TEAD3: variants seen among roughly 807,000 people sequenced by gnomAD.
The protein encoded by TEAD3 is transcriptional enhancer factor TEF-5.
A neutral mutation model predicts 55.6 loss-of-function variants in TEAD3; 15 were observed. That is an observed-to-expected ratio of 0.27 (90% confidence interval 0.18 to 0.42). TEAD3 has a LOEUF of 0.42. TEAD3 is among the 10% of genes least tolerant of loss of function. The probability of loss-of-function intolerance (pLI) is 1.00; values close to 1 mark genes in which losing one functional copy is unlikely to be tolerated. For missense variants in TEAD3, 407 were observed against 576.8 expected, an observed-to-expected ratio of 0.71 and a Z score of 3.01; for synonymous variants, 210 against 232.2, an observed-to-expected ratio of 0.90 and a Z score of 0.87.
Position 35,484,817 on chromosome 6 carries a change from C to T in TEAD3, c.203-193G>A, listed in dbSNP as rs1349699699. ...GGGGAGTCACAGCTGCATCCTACCA[C>T]CTCCAGGACCTAGAGGGGCTGCTCT... On this transcript the variant is annotated intron_variant, in intron 2 of 12. Transcript: ENST00000639578. This position sits in a 1 kb window ranked among gnomAD's most constrained non-coding sequence, Gnocchi z 5.8. Among the ~76,000 whole-genome samples, 1 of 152,184 alleles carries T rather than the reference C, an allele frequency of 6.6e-6. No homozygotes were observed. Among genetic ancestry groups the T allele is most frequent in the Non-Finnish European group, 1.5e-5 (1 of 68,022 alleles).
Position 35,486,758 on chromosome 6 carries a change from ACAG to A in TEAD3, c.-49-50_-49-48del. 3 of 1,361,402 alleles carry A rather than the reference ACAG, an allele frequency of 2.2e-6. No homozygotes were observed. The highest frequency in any genetic ancestry group is 2.0e-6 in the Non-Finnish European group (2 of 987,412). 84.3% of individuals were successfully genotyped at this position (1,361,402 alleles called of 1,614,324 possible). A position where few individuals can be genotyped will look rare whatever the true frequency, so the allele number is the denominator to read the frequency against. On this transcript the variant is annotated intron_variant, in intron 1 of 12. Transcript: ENST00000639578. The surrounding 1 kb of genome is among the most constrained non-coding windows in gnomAD (Gnocchi z 7.3). ...ACTGGGACCAGGGTCCTCCTCGACC[ACAG>A]CAATCTCCTATCCCACAGCCGCTGG... is the stretch of plus-strand genomic sequence containing the variant.
rs1294635584 is a variant in TEAD3, at chr6:35,484,418, G to C, written c.267+142C>G. 1.3e-6 allele frequency: 1 copy of C among 741,300 alleles called. No homozygotes were observed. Among genetic ancestry groups the C allele is most frequent in the African/African-American group, 1.7e-5 (1 of 57,442 alleles). 45.9% of individuals were successfully genotyped at this position (741,300 alleles called of 1,614,324 possible). On this transcript the variant is annotated intron_variant, in intron 3 of 12. Coordinates refer to ENST00000639578, the Ensembl canonical transcript of TEAD3. This position sits in a 1 kb window ranked among gnomAD's most constrained non-coding sequence, Gnocchi z 5.8. ...GGAGGGTGTAAAATCGAGGGGGTAA[G>C]GGGAGTGTGATGAGGCAAGGAGGGT...
rs1768361310 is a variant in TEAD3 at position 35,485,726 on chromosome 6, G to A, written c.202+735C>T. 6.6e-6 allele frequency among the ~76,000 whole-genome samples: 1 copy of A among 152,196 alleles called. No homozygotes were observed. The highest frequency in any genetic ancestry group is 2.1e-4 in the South Asian group (1 of 4,836). On this transcript the variant is annotated intron_variant, in intron 2 of 12. Transcript: ENST00000639578. The surrounding 1 kb of genome is among the most constrained non-coding windows in gnomAD (Gnocchi z 4.3). ...CAAGGTGGGGCTCTGGGGCTGGGTG[G>A]GCGTGGCCAAGGGACACGGAGCGGA... is the stretch of plus-strand genomic sequence containing the variant.
At chr6:35,494,366 G>GA (rs539140874) in intron 1 of TEAD3, among the ~76,000 whole-genome samples, 99 of 152,346 alleles carry the variant, frequency 6.5e-4, no homozygotes, top group Non-Finnish European at 1.2e-3. Flanking sequence ...GTGGGTCGGG[G>GA]AAGACAGGCA....
intron 4 of TEAD3, among the ~76,000 whole-genome samples, chr6:35,479,709 G>A (rs528852934): frequency 6.6e-6 from 1 of 152,360 alleles, no homozygotes; most frequent in East Asian, 1.9e-4. Flanking sequence ...CTGCAGGACA[G>A]CCAGCTCTGC....
At position 35,487,344 on chromosome 6, in the gene TEAD3, G is replaced by A. The variant is rs568915226; in HGVS notation, c.-49-633C>T. Among the ~76,000 whole-genome samples, 5 of 152,232 alleles carry A rather than the reference G, an allele frequency of 3.3e-5. No individual in the cohort carries two copies. In the South Asian group the frequency reaches 6.2e-4, roughly 19 times the overall value. ...CGAGGTGGTTGGATCATGAGGTCAG[G>A]TGTTTGAGACCAGACTGACCAACAT... On this transcript the variant is annotated intron_variant, in intron 1 of 12. Transcript: ENST00000639578.
At chr6:35,474,537 A>G (rs1768101991), downstream of TEAD3, 1 of 156,174 alleles carries the variant, frequency 6.4e-6, no homozygotes, top group South Asian at 2.0e-4. Context: ...AGGACCACAC[A>G]AGCCATGCAA....
At chr6:35,473,629 A>ATAATTT (rs761537320), downstream of TEAD3, 1 of 123,778 alleles carries the variant, frequency 8.1e-6, no homozygotes, top group East Asian at 2.3e-4. Context: ...AATAACTTTA[A>ATAATTT]TTTTTTTTTT....
chr6:35,495,139 AG>A (rs1768613212), intron 1 of TEAD3, among the ~76,000 whole-genome samples: 1 of 152,254 alleles, frequency 6.6e-6, no homozygotes, highest in Non-Finnish European at 1.5e-5. Context: ...AACTGGTTAA[AG>A]GTCCGGAGGG....
In TEAD3 at chr6:35,486,753, C is replaced by A. The variant is rs1284706707; in HGVS notation, c.-49-42G>T. The A allele has an allele frequency of 7.1e-7, 1 of 1,400,500 alleles. No homozygotes were observed. Among genetic ancestry groups the A allele is most frequent in the East Asian group, 2.3e-5 (1 of 42,752 alleles). The allele number at this position is 1,400,500 out of a possible 1,614,324, so 86.8% of individuals were successfully genotyped here. On this transcript the variant is annotated intron_variant, in intron 1 of 12. Transcript: ENST00000639578. The surrounding 1 kb of genome is among the most constrained non-coding windows in gnomAD (Gnocchi z 7.3). ...CAGGAACTGGGACCAGGGTCCTCCTCGACCACAGCAATCTCCTATCCCACA... is the reference window on the plus strand; with the variant it reads ...CAGGAACTGGGACCAGGGTCCTCCTAGACCACAGCAATCTCCTATCCCACA...
At position 35,475,669 on chromosome 6, in the gene TEAD3, G is replaced by T; in HGVS notation, c.938C>A (p.Ala313Asp). 6.2e-7 allele frequency: 1 copy of T among 1,612,408 alleles called. No homozygotes were observed. Among genetic ancestry groups the T allele is most frequent in the Non-Finnish European group, 8.5e-7 (1 of 1,178,882 alleles). ...GTACTGAGAGCTGACCCCATAGAAG[G>T]CTCCCGGGCCCTCCTGGATGGTGCT... is the stretch of plus-strand genomic sequence containing the variant. The change falls in exon 11 of 13, where the codon GCC becomes GAC. Residue 313 changes from alanine (A) to aspartate (D), a missense_variant. Transcript: ENST00000639578. This position sits in a 1 kb window ranked among gnomAD's most constrained non-coding sequence, Gnocchi z 5.4.
chr6:35,495,526 C>A (rs1768624644), intron 1 of TEAD3, among the ~76,000 whole-genome samples: 1 of 152,162 alleles, frequency 6.6e-6, no homozygotes, highest in Non-Finnish European at 1.5e-5. Flanking sequence ...TACTGGACAG[C>A]CTTGTCCTGG....
At chr6:35,487,389 T>TA (rs1236917021) in intron 1 of TEAD3, among the ~76,000 whole-genome samples, 2 of 151,902 alleles carry the variant, frequency 1.3e-5, no homozygotes, top group Non-Finnish European at 2.9e-5. Context: ...CCATCTCTAC[T>TA]AAAAATACAA....
chr6:35,496,082 C>T lies in TEAD3; in HGVS notation c.-50+816G>A, dbSNP rs1298527767. ...ACAGATCCAGACCAGCGCTCCCAGC[C>T]CTCCCTCCCCTAGCAGGAATAAAGG... On this transcript the variant is annotated intron_variant, in intron 1 of 12. Coordinates refer to ENST00000639578, the Ensembl canonical transcript of TEAD3. The surrounding 1 kb of genome is among the most constrained non-coding windows in gnomAD (Gnocchi z 4.8). Among the ~76,000 whole-genome samples the T allele has an allele frequency of 6.6e-6, 1 of 152,208 alleles. No homozygotes were observed. Among genetic ancestry groups the T allele is most frequent in the Non-Finnish European group, 1.5e-5 (1 of 68,032 alleles).
At chr6:35,492,465 C>T (rs1768545955) in intron 1 of TEAD3, among the ~76,000 whole-genome samples, 1 of 152,144 alleles carries the variant, frequency 6.6e-6, no homozygotes, top group Admixed American at 6.5e-5. Context: ...CCAAGGACCC[C>T]GGAGGGACCC....
Position 35,475,835 on chromosome 6 carries a change from T to C in TEAD3, c.900+84A>G. The C allele has an allele frequency of 6.7e-7, 1 of 1,500,030 alleles. No individual in the cohort carries two copies. The highest frequency in any genetic ancestry group is 1.4e-5 in the African/African-American group (1 of 71,610). The allele number at this position is 1,500,030 out of a possible 1,614,324, so 92.9% of individuals were successfully genotyped here. ...CACAAGCCATGAGGATGCAGCAGGG[T>C]CAGAGGTCAATGCAGTGGGCCTGGA... is the stretch of plus-strand genomic sequence containing the variant. On this transcript the variant is annotated intron_variant, in intron 10 of 12. Coordinates refer to ENST00000639578, the Ensembl canonical transcript of TEAD3. The surrounding 1 kb of genome is among the most constrained non-coding windows in gnomAD (Gnocchi z 5.4).
At chr6:35,490,551 G>T (rs1036375314) in intron 1 of TEAD3, among the ~76,000 whole-genome samples, 6 of 152,208 alleles carry the variant, frequency 3.9e-5, no homozygotes, top group Non-Finnish European at 8.8e-5. Flanking sequence ...TGCTCGGGAG[G>T]ACAACCACGT....
At chr6:35,495,128 C>G (rs1768612842) in intron 1 of TEAD3, among the ~76,000 whole-genome samples, 1 of 152,232 alleles carries the variant, frequency 6.6e-6, no homozygotes, top group South Asian at 2.1e-4. Flanking sequence ...CAAGATGGCG[C>G]AACTGGTTAA....
intron 7 of TEAD3, 42 bp from the exon 8 acceptor site, chr6:35,477,414 C>T (rs762854467): frequency 6.4e-7 from 1 of 1,568,576 alleles, no homozygotes; most frequent in African/African-American, 1.5e-5. Context: ...TTCCCTCTTC[C>T]CTACCTTCCA....
Sources: gnomAD v4.1 joint callset for allele counts (sites outside exome capture counted in the v4.1 genomes callset) on GRCh38, gnomAD v4.1.1 for gene constraint, Gnocchi (gnomAD v3.1) non-coding constraint, MANE v1.5 for transcripts, NCBI Gene and HGNC (gene_info 2026-07-23, HGNC 2026-07-21) for gene names.